SUSD6: variants seen among roughly 807,000 people sequenced by gnomAD.
The protein encoded by SUSD6 is sushi domain-containing protein 6.
Under a neutral mutation model 28.4 loss-of-function variants are expected in SUSD6, and 16 were observed. That is an observed-to-expected ratio of 0.56 (90% confidence interval 0.38 to 0.86). SUSD6 has a LOEUF of 0.86. SUSD6 is among the 40% of genes least tolerant of loss of function. The pLI, the probability that SUSD6 is intolerant of heterozygous loss-of-function variation, is 0.00. For missense variants in SUSD6, 341 were observed against 384.2 expected, an observed-to-expected ratio of 0.89 and a Z score of 0.94; for synonymous variants, 147 against 159.6, an observed-to-expected ratio of 0.92 and a Z score of 0.59.
At chr14:69,632,562 A>C (rs1885210584) in intron 1 of SUSD6, among the ~76,000 whole-genome samples, 1 of 152,074 alleles carries the variant, frequency 6.6e-6, no homozygotes, top group Non-Finnish European at 1.5e-5. Flanking sequence ...TGATGGACAA[A>C]AGAATTGTCA....
rs542327343 is a variant in SUSD6 at position 69,713,686 on chromosome 14, G to A, written c.*2707G>A. 3.0e-4 allele frequency: 45 copies of A among 152,342 alleles called. No individual in the cohort carries two copies. Among genetic ancestry groups the A allele is most frequent in the African/African-American group, 1.0e-3 (42 of 41,542 alleles). The allele number at this position is 152,342 out of a possible 1,614,324, so 9.4% of individuals were successfully genotyped here. A position where few individuals can be genotyped will look rare whatever the true frequency, so the allele number is the denominator to read the frequency against. On this transcript the variant is annotated 3_prime_UTR_variant, in exon 6 of 6. Coordinates refer to ENST00000342745, the MANE Select transcript of SUSD6 (RefSeq NM_014734.4). ...GCTGCCTGAGGAGCCTGGAGCAGGT[G>A]GAAACAGGTGGAAGAAACCGGCCAC...
At chr14:69,626,336 A>G (rs1885114016) in intron 1 of SUSD6, among the ~76,000 whole-genome samples, 1 of 151,704 alleles carries the variant, frequency 6.6e-6, no homozygotes, top group Non-Finnish European at 1.5e-5. Flanking sequence ...CACAGGGGTC[A>G]TGAAATACTT....
At chr14:69,670,470 C>G (rs1885813896) in intron 2 of SUSD6, 2 of 456,646 alleles carry the variant, frequency 4.4e-6, no homozygotes, top group Non-Finnish European at 8.8e-6. Flanking sequence ...TCATGGAAGG[C>G]TTTTCTGAGG....
intron 1 of SUSD6, among the ~76,000 whole-genome samples, chr14:69,649,621 G>C (rs79125058): frequency 0.029 from 4,348 of 152,130 alleles, 80 homozygotes; most frequent in Middle Eastern, 0.068. Flanking sequence ...TGAGCACTTG[G>C]GGGCAGAGAA....
At chr14:69,624,805 T>C (rs1885092181) in intron 1 of SUSD6, among the ~76,000 whole-genome samples, 1 of 152,162 alleles carries the variant, frequency 6.6e-6, no homozygotes, top group African/African-American at 2.4e-5. Context: ...ACACTACCCA[T>C]CTATAGAAGG....
In SUSD6 at chr14:69,625,822, C is replaced by T. The variant is rs528102191; in HGVS notation, c.-81+13994C>T. Among the ~76,000 whole-genome samples the T allele has an allele frequency of 5.6e-4, 85 of 152,326 alleles. 1 individual carries two copies. Among genetic ancestry groups the T allele is most frequent in the African/African-American group, 1.9e-3 (80 of 41,562 alleles). On this transcript the variant is annotated intron_variant, in intron 1 of 5. Coordinates refer to ENST00000342745, the MANE Select transcript of SUSD6 (RefSeq NM_014734.4). Reference sequence around the variant, plus strand: ...TCACATCCAGAAAATTCAGGTCTGGCCTTCTCTGTGAAACCATCTCTGCTG... The same window carrying T: ...TCACATCCAGAAAATTCAGGTCTGGTCTTCTCTGTGAAACCATCTCTGCTG...
At chr14:69,616,437 A>G (rs1197672961) in intron 1 of SUSD6, among the ~76,000 whole-genome samples, 2 of 152,252 alleles carry the variant, frequency 1.3e-5, no homozygotes, top group Non-Finnish European at 2.9e-5. Flanking sequence ...AGCTTCTGAC[A>G]AAGACAGTAA....
intron 2 of SUSD6, among the ~76,000 whole-genome samples, chr14:69,697,269 G>A (rs1457254916): frequency 6.6e-6 from 1 of 152,090 alleles, no homozygotes; most frequent in African/African-American, 2.4e-5. Context: ...CGACTTCTCT[G>A]CCCAACCTGT....
At position 69,704,611 on chromosome 14, in the gene SUSD6, C is replaced by A. The variant is rs746585431; in HGVS notation, c.327C>A (p.Asp109Glu). The part of the protein sequence containing the change: ...EISCRLNEDK[D>E]THTSLGVPTL... The stretch of plus-strand genomic sequence containing the variant: ...GATGGCTTGTTTTTATAGATAAAGA[C>A]ACCCACACATCACTTGGGGTCCCCA... Residue 109 changes from aspartate (D) to glutamate (E), a missense_variant, in exon 4 of 6, where the codon GAC (aspartate) becomes GAA (glutamate). Coordinates refer to ENST00000342745, the MANE Select transcript of SUSD6 (RefSeq NM_014734.4). The A allele has an allele frequency of 3.3e-5, 53 of 1,612,396 alleles. No homozygotes were observed. The highest frequency in any genetic ancestry group is 5.0e-5 in the Admixed American group (3 of 59,498).
chr14:69,666,197 C>A, intron 2 of SUSD6, among the ~76,000 whole-genome samples: 1 of 152,150 alleles, frequency 6.6e-6, no homozygotes, highest in East Asian at 1.9e-4. Flanking sequence ...CCTAAATTCT[C>A]AAATAACACA....
Position 69,636,741 on chromosome 14 carries a change from G to A in SUSD6, c.-80-21772G>A, listed in dbSNP as rs916716507. 2.0e-5 allele frequency among the ~76,000 whole-genome samples: 3 copies of A among 152,238 alleles called. No individual in the cohort carries two copies. The East Asian group carries it at 5.8e-4, about 29-fold the overall frequency. ...CCTCCAGTCTGGCAGAGGCCTGGACGAGAGCTATTCCTTGGGTTCTCAGAA... is the reference window on the plus strand; with the variant it reads ...CCTCCAGTCTGGCAGAGGCCTGGACAAGAGCTATTCCTTGGGTTCTCAGAA... On this transcript the variant is annotated intron_variant, in intron 1 of 5. Transcript: ENST00000342745.
chr14:69,696,059 A>G (rs1392214380), intron 2 of SUSD6, among the ~76,000 whole-genome samples: 1 of 152,236 alleles, frequency 6.6e-6, no homozygotes, highest in Admixed American at 6.5e-5. Flanking sequence ...GATGTCTCCA[A>G]AGCCATAGGC....
chr14:69,685,234 G>A (rs950564583), intron 2 of SUSD6, among the ~76,000 whole-genome samples: 11 of 152,194 alleles, frequency 7.2e-5, no homozygotes, highest in Non-Finnish European at 4.4e-5. Flanking sequence ...AGTACAAATG[G>A]ACTAGCCCTA....
At chr14:69,682,389 C>T (rs1886009251) in intron 2 of SUSD6, among the ~76,000 whole-genome samples, 1 of 152,020 alleles carries the variant, frequency 6.6e-6, no homozygotes, top group Admixed American at 6.6e-5. Flanking sequence ...TTAGGTAAGC[C>T]TTGCATATCA....
intron 1 of SUSD6, among the ~76,000 whole-genome samples, chr14:69,656,256 A>G (rs144745073): frequency 1.3e-5 from 2 of 149,838 alleles, no homozygotes; most frequent in African/African-American, 4.9e-5. Context: ...TTTCCTGACT[A>G]CCACCACTTA....
At chr14:69,699,887 G>A (rs758051869) in intron 2 of SUSD6, among the ~76,000 whole-genome samples, 3 of 152,162 alleles carry the variant, frequency 2.0e-5, no homozygotes, top group Admixed American at 6.5e-5. Flanking sequence ...TTATAGATGA[G>A]CTTGAGGAGA....
chr14:69,682,526 T>C (rs1594716165), intron 2 of SUSD6, among the ~76,000 whole-genome samples: 4 of 152,084 alleles, frequency 2.6e-5, no homozygotes, highest in Non-Finnish European at 5.9e-5. Flanking sequence ...GAAATACAAA[T>C]TTAAAACTCT....
intron 1 of SUSD6, among the ~76,000 whole-genome samples, chr14:69,656,548 A>G (rs779917661): frequency 9.9e-5 from 15 of 152,216 alleles, no homozygotes; most frequent in Non-Finnish European, 2.1e-4. Context: ...GTCAAATGAG[A>G]TGGTGGAACT....
chr14:69,682,229 C>T (rs1439226588), intron 2 of SUSD6, among the ~76,000 whole-genome samples: 1 of 152,012 alleles, frequency 6.6e-6, no homozygotes, highest in Admixed American at 6.6e-5. Flanking sequence ...CCCAGCTACT[C>T]GGGAGGCTGA....
Sources: gnomAD v4.1 joint callset for allele counts (sites outside exome capture counted in the v4.1 genomes callset) on GRCh38, gnomAD v4.1.1 for gene constraint, MANE v1.5 for transcripts, NCBI Gene and HGNC (gene_info 2026-07-23, HGNC 2026-07-21) for gene names.